The following CPPED1 variants were observed in gnomAD, a reference collection of about 807,000 sequenced individuals.
The protein encoded by CPPED1 is calcineurin like phosphoesterase domain containing 1.
A neutral mutation model predicts 28.0 loss-of-function variants in CPPED1; 28 were observed. The observed-to-expected ratio is 1.00, with a 90% confidence interval of 0.74 to 1.37. The LOEUF is 1.37. Among genes scored for constraint, CPPED1 ranks in the 40% most tolerant of loss-of-function variants. The pLI is 0.00. For missense variants in CPPED1, 504 were observed against 416.5 expected (o/e 1.21, Z -1.83); for synonymous variants, 198 against 180.2 (o/e 1.10, Z -0.79).
At chr16:12,721,119 T>C (rs2080137594) in intron 2 of CPPED1, among the ~76,000 whole-genome samples, 1 of 152,226 alleles carries the variant, frequency 6.6e-6, no homozygotes, top group East Asian at 1.9e-4. Context: ...AACATAGGTG[T>C]CCACGTTACC....
At chr16:12,753,207 T>A (rs566010481) in intron 2 of CPPED1, 26 of 152,324 alleles carry the variant, frequency 1.7e-4, no homozygotes, top group African/African-American at 5.8e-4. Flanking sequence ...CAAATTCGCA[T>A]GTTGAAATCC....
chr16:12,673,562 T>C (rs2079863224), intron 3 of CPPED1, among the ~76,000 whole-genome samples: 1 of 152,150 alleles, frequency 6.6e-6, no homozygotes, highest in African/African-American at 2.4e-5. Context: ...TTAATGGTGA[T>C]TGTTCAAGTG....
chr16:12,725,641 C>A (rs1224136966), intron 2 of CPPED1, among the ~76,000 whole-genome samples: 1 of 152,104 alleles, frequency 6.6e-6, no homozygotes, highest in African/African-American at 2.4e-5. Flanking sequence ...AGCCTGGGAA[C>A]TGATTTGTCA....
At chr16:12,703,726 C>T (rs4781324) in intron 3 of CPPED1, among the ~76,000 whole-genome samples, 88,082 of 148,526 alleles carry the variant, frequency 0.59, 26,269 homozygotes, top group Admixed American at 0.65. Flanking sequence ...AAAGGAAGAA[C>T]GAGGACAAAG....
chr16:12,678,729 T>A (rs2079890504), intron 3 of CPPED1, among the ~76,000 whole-genome samples: 1 of 152,236 alleles, frequency 6.6e-6, no homozygotes, highest in Admixed American at 6.5e-5. Flanking sequence ...TTTTTGTCTA[T>A]TAACCTTGTA....
chr16:12,728,236 G>C (rs1373647398), intron 2 of CPPED1, among the ~76,000 whole-genome samples: 4 of 152,196 alleles, frequency 2.6e-5, no homozygotes, highest in African/African-American at 7.2e-5. Context: ...TTCAGTGTAA[G>C]AGAGGGGAGA....
chr16:12,748,711 C>A (rs2080307418), intron 2 of CPPED1, among the ~76,000 whole-genome samples: 1 of 152,038 alleles, frequency 6.6e-6, no homozygotes, highest in Non-Finnish European at 1.5e-5. Flanking sequence ...TGGTGAAACT[C>A]TGTCTCTATT....
chr16:12,675,365 C>G (rs911495461), intron 3 of CPPED1, among the ~76,000 whole-genome samples: 2 of 152,178 alleles, frequency 1.3e-5, no homozygotes, highest in Non-Finnish European at 2.9e-5. Context: ...GAATTTCCAG[C>G]AAAGGCAGCC....
intron 3 of CPPED1, among the ~76,000 whole-genome samples, chr16:12,678,922 G>C (rs551253713): frequency 6.6e-6 from 1 of 152,242 alleles, no homozygotes; most frequent in Non-Finnish European, 1.5e-5. Context: ...ATGTTAAAAA[G>C]TATTGGTGAA....
chr16:12,751,278 T>C (rs1328434527), intron 2 of CPPED1, among the ~76,000 whole-genome samples: 1 of 152,182 alleles, frequency 6.6e-6, no homozygotes, highest in Non-Finnish European at 1.5e-5. Context: ...CAGAGTGTTC[T>C]TAAGGAAATT....
chr16:12,779,824 T>A lies in CPPED1; in HGVS notation c.289+1361A>T, dbSNP rs369199854. Among the ~76,000 whole-genome samples the A allele has an allele frequency of 1.4e-4, 22 of 152,200 alleles. No homozygotes were observed. In the South Asian group the frequency reaches 4.6e-3, roughly 32 times the overall value. On this transcript the variant is annotated intron_variant, in intron 2 of 3. Transcript: ENST00000381774. ...AGACATCATCACAGAACTCAGAGCC[T>A]CGGTTTACAAGGTACAACTAGCCCC...
chr16:12,786,436 T>C (rs1338225964), intron 1 of CPPED1, among the ~76,000 whole-genome samples: 1 of 151,794 alleles, frequency 6.6e-6, no homozygotes, highest in Non-Finnish European at 1.5e-5. Context: ...GTTCAGGTTG[T>C]TAGTGGTGGT....
intron 3 of CPPED1, among the ~76,000 whole-genome samples, chr16:12,691,798 G>T (rs9923327): frequency 1.7e-5 from 2 of 118,900 alleles, no homozygotes; most frequent in South Asian, 3.1e-4. Context: ...AACATCACAC[G>T]CTGGGGACTG....
intron 2 of CPPED1, among the ~76,000 whole-genome samples, chr16:12,763,455 G>A (rs2080421673): frequency 6.6e-6 from 1 of 152,150 alleles, no homozygotes; most frequent in Non-Finnish European, 1.5e-5. Context: ...GGAAATGGAT[G>A]AGTGGCATGG....
intron 2 of CPPED1, among the ~76,000 whole-genome samples, chr16:12,729,346 T>A (rs1389809650): frequency 6.6e-6 from 1 of 152,076 alleles, no homozygotes; most frequent in Non-Finnish European, 1.5e-5. Context: ...TAAGACGTTT[T>A]TATTTGCCTG....
At chr16:12,710,454 CAAA>C (rs201222533) in intron 2 of CPPED1, among the ~76,000 whole-genome samples, 2 of 106,858 alleles carry the variant, frequency 1.9e-5, no homozygotes, top group Non-Finnish European at 2.0e-5. Context: ...TGTTACAGGC[CAAA>C]AAAAAAAAAA....
chr16:12,786,703 G>A (rs1484852704), intron 1 of CPPED1, among the ~76,000 whole-genome samples: 2 of 152,050 alleles, frequency 1.3e-5, no homozygotes, highest in African/African-American at 4.8e-5. Context: ...GGTGGATCAC[G>A]AGGTCAAAAG....
rs868668337 is a variant in CPPED1 at position 12,781,244 on chromosome 16, T to C, written c.230A>G (p.Lys77Arg). The C allele has an allele frequency of 6.2e-7, 1 of 1,614,154 alleles. No individual in the cohort carries two copies. Among genetic ancestry groups the C allele is most frequent in the South Asian group, 1.1e-5 (1 of 91,082 alleles). Residue 77 changes from lysine to arginine, a missense_variant, in exon 2 of 4, where the codon AAG becomes AGG. Coordinates refer to ENST00000381774, the MANE Select transcript of CPPED1 (RefSeq NM_018340.3). The stretch of plus-strand genomic sequence containing the variant: ...GAAGAATTTGGGTTTGGGGTTCAGC[T>C]TGTTGATGGCCTGGACGGCTTGCTC... ...LTEQAVQAINKLNPKPKFFVL... is the reference protein window; with the variant it reads ...LTEQAVQAINRLNPKPKFFVL...
At chr16:12,679,124 C>T (rs979317565) in intron 3 of CPPED1, among the ~76,000 whole-genome samples, 1 of 152,198 alleles carries the variant, frequency 6.6e-6, no homozygotes, top group Admixed American at 6.5e-5. Flanking sequence ...AAAAGGGAAA[C>T]TCCTCAGGAG....
Sources: gnomAD v4.1 joint callset for allele counts (sites outside exome capture counted in the v4.1 genomes callset) on GRCh38, gnomAD v4.1.1 for gene constraint, MANE v1.5 for transcripts, NCBI Gene and HGNC (gene_info 2026-07-23, HGNC 2026-07-21) for gene names.